CORO2B: variants seen among roughly 807,000 people sequenced by gnomAD.
The protein encoded by CORO2B is coronin 2B, also known as coronin-2B.
CORO2B carries 26 observed loss-of-function variants against 58.8 expected under a neutral mutation model. The ratio of observed to expected loss-of-function variants is 0.44; its 90% CI spans 0.32 to 0.61. CORO2B has a LOEUF of 0.61. Among genes scored for constraint, CORO2B ranks in the 20% least tolerant of loss-of-function variants. The pLI is 0.04. For missense variants in CORO2B, 460 were observed against 645.1 expected (o/e 0.71, Z 3.11); for synonymous variants, 242 against 253.8 (o/e 0.95, Z 0.44).
chr15:68,597,128 G>A (rs1274118575), intron 1 of CORO2B, among the ~76,000 whole-genome samples: 1 of 150,688 alleles, frequency 6.6e-6, no homozygotes, highest in Admixed American at 6.6e-5. Context: ...ATTTCAAATT[G>A]CGTAAAACCA....
At chr15:68,657,070 T>C (rs1901831968) in intron 2 of CORO2B, among the ~76,000 whole-genome samples, 1 of 152,222 alleles carries the variant, frequency 6.6e-6, no homozygotes, top group African/African-American at 2.4e-5. Flanking sequence ...CAAACTTTAG[T>C]TTTTAACACT....
At chr15:68,639,549 A>G (rs1431378209) in intron 1 of CORO2B, among the ~76,000 whole-genome samples, 1 of 152,180 alleles carries the variant, frequency 6.6e-6, no homozygotes, top group Non-Finnish European at 1.5e-5. Context: ...GTAGACCCCA[A>G]AACTCCTCTC....
chr15:68,683,241 G>A (rs1241534239), intron 2 of CORO2B, among the ~76,000 whole-genome samples: 1 of 152,180 alleles, frequency 6.6e-6, no homozygotes, highest in African/African-American at 2.4e-5. Flanking sequence ...TGTTCAGGAA[G>A]GCCTCTGGTG....
intron 1 of CORO2B, among the ~76,000 whole-genome samples, chr15:68,640,098 C>T (rs1410978787): frequency 6.6e-6 from 1 of 152,188 alleles, no homozygotes; most frequent in African/African-American, 2.4e-5. Flanking sequence ...TGCATCTGAC[C>T]TCACAGTGAG....
At chr15:68,619,435 T>G (rs899610385) in intron 1 of CORO2B, among the ~76,000 whole-genome samples, 1 of 152,178 alleles carries the variant, frequency 6.6e-6, no homozygotes, top group African/African-American at 2.4e-5. Context: ...TTGAAAGGTC[T>G]TAGAGGGCTG....
At chr15:68,641,155 C>A (rs1235160291) in intron 1 of CORO2B, among the ~76,000 whole-genome samples, 1 of 152,216 alleles carries the variant, frequency 6.6e-6, no homozygotes, top group African/African-American at 2.4e-5. Context: ...GAGACAGACA[C>A]TCTCCATTCT....
At position 68,680,518 on chromosome 15, in the gene CORO2B, C is replaced by T. The variant is rs374601973; in HGVS notation, c.217-14622C>T. Among the ~76,000 whole-genome samples, 206 of 152,306 alleles carry T rather than the reference C, an allele frequency of 1.4e-3. 1 individual carries two copies. Among genetic ancestry groups the T allele is most frequent in the Non-Finnish European group, 6.3e-4 (43 of 68,022 alleles). ...GTACCCCCTTGAGTTGTGCAGTGTA[C>T]AGTCCATGCAACTGTACAGGGGATC... On this transcript the variant is annotated intron_variant, in intron 2 of 11. Coordinates refer to ENST00000261861, the MANE Select transcript of CORO2B (RefSeq NM_006091.5).
At chr15:68,583,839 G>A (rs867323199) in intron 1 of CORO2B, among the ~76,000 whole-genome samples, 5 of 152,216 alleles carry the variant, frequency 3.3e-5, no homozygotes, top group African/African-American at 1.2e-4. Context: ...AAGAGGAAGC[G>A]GGGGTACCAG....
intron 1 of CORO2B, among the ~76,000 whole-genome samples, chr15:68,628,667 AC>A (rs1474333096): frequency 6.6e-6 from 1 of 152,218 alleles, no homozygotes; most frequent in African/African-American, 2.4e-5. Flanking sequence ...ATGAGGAGGC[AC>A]CATTATTATC....
the CORO2B span, among the ~76,000 whole-genome samples, chr15:68,548,156 G>A: frequency 6.8e-6 from 1 of 146,984 alleles, no homozygotes; most frequent in African/African-American, 2.5e-5. Context: ...GGGCAACAGA[G>A]CAGGATTCCA....
chr15:68,705,874 G>A (rs1892772524), intron 3 of CORO2B, among the ~76,000 whole-genome samples: 1 of 152,156 alleles, frequency 6.6e-6, no homozygotes, highest in African/African-American at 2.4e-5. Flanking sequence ...TGGATGAGGA[G>A]CCTGAGCCTC....
the CORO2B span, among the ~76,000 whole-genome samples, chr15:68,533,633 G>T: frequency 6.6e-5 from 10 of 152,176 alleles, no homozygotes; most frequent in African/African-American, 2.4e-4. Context: ...GCCTCCTTGG[G>T]CAGGGGCCTA....
At position 68,645,128 on chromosome 15, in the gene CORO2B, G is replaced by C. The variant is rs755861629; in HGVS notation, c.16-32G>C. 2 of 1,608,864 alleles carry C rather than the reference G, an allele frequency of 1.2e-6. No homozygotes were observed. The highest frequency in any genetic ancestry group is 2.2e-5 in the East Asian group (1 of 44,690). On this transcript the variant is annotated intron_variant, in intron 1 of 11. Transcript: ENST00000261861. This position sits in a 1 kb window ranked among gnomAD's most constrained non-coding sequence, Gnocchi z 4.5. The stretch of plus-strand genomic sequence containing the variant: ...GAGGCCCTTCATGGCACAGGGCCCA[G>C]CCTGACCCTTGTCTCTCCTGGCCCC...
intron 1 of CORO2B, among the ~76,000 whole-genome samples, chr15:68,618,964 A>T (rs529803882): frequency 6.6e-6 from 1 of 152,332 alleles, no homozygotes; most frequent in East Asian, 1.9e-4. Flanking sequence ...CTAGGAGAGG[A>T]TCACAGTGGC....
intron 2 of CORO2B, among the ~76,000 whole-genome samples, chr15:68,673,538 A>G (rs551810438): frequency 1.4e-4 from 22 of 152,084 alleles, no homozygotes; most frequent in Admixed American, 8.5e-4. Context: ...AAATTTTCTT[A>G]AAAAAGGAAA....
chr15:68,603,628 C>T (rs534274385), intron 1 of CORO2B, among the ~76,000 whole-genome samples: 1 of 152,152 alleles, frequency 6.6e-6, no homozygotes, highest in Admixed American at 6.5e-5. Context: ...AGAGCCCTGG[C>T]CCAGTAGGAC....
intron 1 of CORO2B, chr15:68,616,410 A>G (rs1007702696): frequency 3.2e-5 from 7 of 221,004 alleles, no homozygotes; most frequent in African/African-American, 7.0e-5. Context: ...GAACTTTACT[A>G]TGACTCCAAC....
chr15:68,707,589 G>A (rs2140324188), intron 3 of CORO2B, among the ~76,000 whole-genome samples: 1 of 152,314 alleles, frequency 6.6e-6, no homozygotes, highest in Non-Finnish European at 1.5e-5. Context: ...GAGTGGTGTG[G>A]AAAGATGCCC....
chr15:68,631,050 G>A (rs1331396511), intron 1 of CORO2B, among the ~76,000 whole-genome samples: 3 of 152,170 alleles, frequency 2.0e-5, no homozygotes, highest in Non-Finnish European at 4.4e-5. Context: ...TGTTCCCGTG[G>A]TGGTGCAGGG....
Sources: gnomAD v4.1 joint callset for allele counts (sites outside exome capture counted in the v4.1 genomes callset) on GRCh38, gnomAD v4.1.1 for gene constraint, Gnocchi (gnomAD v3.1) non-coding constraint, MANE v1.5 for transcripts, NCBI Gene and HGNC (gene_info 2026-07-23, HGNC 2026-07-21) for gene names.